The following SYT7 variants were observed in gnomAD, a reference collection of about 807,000 sequenced individuals.
SYT7 encodes synaptotagmin-7.
Under a neutral mutation model 75.1 loss-of-function variants are expected in SYT7, and 29 were observed. The observed-to-expected ratio is 0.39, with a 90% CI of 0.29 to 0.53. SYT7 has a LOEUF of 0.53. SYT7 is among the 20% of genes least tolerant of loss of function. The probability of loss-of-function intolerance (pLI) is 0.77; values close to 1 mark genes in which losing one functional copy is unlikely to be tolerated. For missense variants in SYT7, 693 were observed against 953.2 expected, an observed-to-expected ratio of 0.73 and a Z score of 3.59; for synonymous variants, 376 against 401.7, an observed-to-expected ratio of 0.94 and a Z score of 0.76.
intron 1 of SYT7, among the ~76,000 whole-genome samples, chr11:61,556,438 T>A (rs1483846638): frequency 6.6e-6 from 1 of 152,240 alleles, no homozygotes. Flanking sequence ...AGTTGGCATC[T>A]TTCTCTGTCT....
rs769608464 is a variant in SYT7, at chr11:61,546,105, G to A, written c.498C>T (p.Ser166=). The change falls in exon 5 of 13, where the codon AGC becomes AGT. Residue 166 remains serine, a synonymous_variant. Transcript: ENST00000539008. This position sits in a 1 kb window ranked among gnomAD's most constrained non-coding sequence, Gnocchi z 7.6. Reference sequence around the variant, plus strand: ...AGCGGCCTCTCCCCGCCTTGCCACCGCTGCCCGGCTCGCTGGGGGCAGCCC... The same window carrying A: ...AGCGGCCTCTCCCCGCCTTGCCACCACTGCCCGGCTCGCTGGGGGCAGCCC... ...SGGAAPSEPG[S]GGKAGRGRWR... The A allele has an allele frequency of 1.8e-5, 28 of 1,530,804 alleles. No individual in the cohort carries two copies. The highest frequency in any genetic ancestry group is 1.7e-4 in the Middle Eastern group (1 of 5,848). 94.8% of individuals were successfully genotyped at this position (1,530,804 alleles called of 1,614,324 possible).
chr11:61,553,406 G>A lies in SYT7; in HGVS notation c.136-1943C>T, dbSNP rs2135326704. On this transcript the variant is annotated intron_variant, in intron 2 of 12. Coordinates refer to ENST00000539008, the MANE Select transcript of SYT7 (RefSeq NM_001365809.2). The surrounding 1 kb of genome is among the most constrained non-coding windows in gnomAD (Gnocchi z 5.2). ...TCTTTCTGGCTTGGCAGGAGAGCTT[G>A]CCCTGGCCAGCACCCTCTCGTAAGG... 6.6e-6 allele frequency among the ~76,000 whole-genome samples: 1 copy of A among 152,306 alleles called. No individual in the cohort carries two copies. The highest frequency in any genetic ancestry group is 2.4e-5 in the African/African-American group (1 of 41,566).
upstream of SYT7, among the ~76,000 whole-genome samples, chr11:61,585,690 C>A (rs1187524115): frequency 6.6e-6 from 1 of 152,202 alleles, no homozygotes; most frequent in African/African-American, 2.4e-5. Flanking sequence ...ATTGCCTCCT[C>A]TCGCCAGACC....
At position 61,546,084 on chromosome 11, in the gene SYT7, G is replaced by A. The variant is rs1565187537; in HGVS notation, c.519C>T (p.Gly173=). ...GGTGGCTCTGCACCGTCCGCCAGCG[G>A]CCTCTCCCCGCCTTGCCACCGCTGC... ...EPGSGGKAGR[G]RWRTVQSHLA... is the part of the protein sequence containing the mutation. The change falls in exon 5 of 13, where the codon GGC becomes GGT. Residue 173 remains glycine, a synonymous_variant. Transcript: ENST00000539008. This position sits in a 1 kb window ranked among gnomAD's most constrained non-coding sequence, Gnocchi z 7.6. 2 of 1,531,584 alleles carry A rather than the reference G, an allele frequency of 1.3e-6. No homozygotes were observed. The highest frequency in any genetic ancestry group is 4.9e-5 in the East Asian group (2 of 40,482). The allele number at this position is 1,531,584 out of a possible 1,614,324, so 94.9% of individuals were successfully genotyped here. A position where few individuals can be genotyped will look rare whatever the true frequency, so the allele number is the denominator to read the frequency against.
intron 8 of SYT7, among the ~76,000 whole-genome samples, chr11:61,532,766 A>G (rs1379264325): frequency 1.3e-5 from 2 of 152,150 alleles, no homozygotes; most frequent in Non-Finnish European, 2.9e-5. Flanking sequence ...CATGGAGAAG[A>G]TATTTTGGTG....
chr11:61,546,437 G>C lies in SYT7; in HGVS notation c.348-182C>G. 1.7e-5 allele frequency: 9 copies of C among 524,742 alleles called. No individual in the cohort carries two copies. The highest frequency in any genetic ancestry group is 7.0e-5 in the Admixed American group (2 of 28,410). The allele number at this position is 524,742 out of a possible 1,614,324, so 32.5% of individuals were successfully genotyped here. On this transcript the variant is annotated intron_variant, in intron 4 of 12. Coordinates refer to ENST00000539008, the MANE Select transcript of SYT7 (RefSeq NM_001365809.2). The surrounding 1 kb of genome is among the most constrained non-coding windows in gnomAD (Gnocchi z 7.6). Reference sequence around the variant, plus strand: ...GACAGACGGACATGAGACAGACAGAGAGAGAGAGAGAGACATCAGCACTGC... The same window carrying C: ...GACAGACGGACATGAGACAGACAGACAGAGAGAGAGAGACATCAGCACTGC...
At chr11:61,566,750 TGTGCCTTGGCCTAA>T (rs1475455313) in intron 1 of SYT7, among the ~76,000 whole-genome samples, 1 of 152,238 alleles carries the variant, frequency 6.6e-6, no homozygotes, top group Non-Finnish European at 1.5e-5. Context: ...AATGCATTGT[TGTGCCTTGGCCTAA>T]ATCAGCATCT....
rs1590798694 is a variant in SYT7 at position 61,514,290 on chromosome 11, C to T, written c.*4337G>A. Among the ~76,000 whole-genome samples, 1 of 152,210 alleles carries T rather than the reference C, an allele frequency of 6.6e-6. No individual in the cohort carries two copies. The highest frequency in any genetic ancestry group is 1.9e-4 in the East Asian group (1 of 5,198). On this transcript the variant is annotated 3_prime_UTR_variant, in exon 13 of 13. Coordinates refer to ENST00000539008, the MANE Select transcript of SYT7 (RefSeq NM_001365809.2). ...AGCCCCTGAGGCTACTTACCTGACC[C>T]CGGGGCTTCCTCTGATCTCTGGAAC...
Position 61,547,311 on chromosome 11 carries a change from G to A in SYT7, c.216-3C>T. Reference sequence around the variant, plus strand: ...TCCAAAAGTCTCTGTCTAGATCACTGGAGGGGCAGAGAGAGAGGGGAGAAA... The same window carrying A: ...TCCAAAAGTCTCTGTCTAGATCACTAGAGGGGCAGAGAGAGAGGGGAGAAA... On this transcript the variant is annotated splice_polypyrimidine_tract_variant and splice_region_variant and intron_variant, in intron 3 of 12. Transcript: ENST00000539008. The A allele has an allele frequency of 2.0e-6, 3 of 1,535,564 alleles. No homozygotes were observed. The highest frequency in any genetic ancestry group is 2.6e-6 in the Non-Finnish European group (3 of 1,146,570).
chr11:61,566,240 T>G (rs960625617), intron 1 of SYT7, among the ~76,000 whole-genome samples: 1 of 152,244 alleles, frequency 6.6e-6, no homozygotes, highest in African/African-American at 2.4e-5. Context: ...TTGAATTTAA[T>G]GGAGGTGATG....
Position 61,558,533 on chromosome 11 carries a change from CACAT to C in SYT7, c.32-2330_32-2327del, listed in dbSNP as rs750893598. On this transcript the variant is annotated intron_variant, in intron 1 of 12. Transcript: ENST00000539008. ...ACACACACACACACACACACACACACACATATATATATAAATTATGAGGGTGTGT... is the reference window on the plus strand; with the variant it reads ...ACACACACACACACACACACACACACATATATATAAATTATGAGGGTGTGT... Among the ~76,000 whole-genome samples the C allele has an allele frequency of 5.2e-3, 774 of 148,654 alleles. 8 individuals carry two copies. The highest frequency in any genetic ancestry group is 0.019 in the African/African-American group (720 of 38,496).
intron 6 of SYT7, chr11:61,540,148 G>C (rs146662891): frequency 6.6e-6 from 1 of 152,160 alleles, no homozygotes; most frequent in Non-Finnish European, 1.5e-5. Context: ...TGCAGGACGC[G>C]AGGGTTAGGA....
At chr11:61,519,452 C>G (rs1026908592) in intron 12 of SYT7, among the ~76,000 whole-genome samples, 2 of 152,156 alleles carry the variant, frequency 1.3e-5, no homozygotes, top group Non-Finnish European at 2.9e-5. Context: ...ATGGGGCCTT[C>G]TATAGGACAC....
chr11:61,555,352 G>T (rs1273604016), intron 2 of SYT7, among the ~76,000 whole-genome samples: 1 of 152,224 alleles, frequency 6.6e-6, no homozygotes, highest in East Asian at 1.9e-4. Context: ...CTTCTGGGCC[G>T]GGCGGCAGGA....
chr11:61,522,992 G>C (rs1234719219), intron 12 of SYT7, 83 bp downstream of exon 12: 1 of 1,420,292 alleles, frequency 7.0e-7, no homozygotes, highest in Admixed American at 1.7e-5. Context: ...GCCTGTGCCC[G>C]TCCACTACCC....
chr11:61,514,390 A>C lies in SYT7; in HGVS notation c.*4237T>G, dbSNP rs911868858. On this transcript the variant is annotated 3_prime_UTR_variant, in exon 13 of 13. Coordinates refer to ENST00000539008, the MANE Select transcript of SYT7 (RefSeq NM_001365809.2). ...CAGCTTTGGATGGGGTACTTAGTGC[A>C]GCTCCGGGAGGCAGCTGCTGGCCCC... 1.3e-5 allele frequency among the ~76,000 whole-genome samples: 2 copies of C among 152,206 alleles called. No individual in the cohort carries two copies. The highest frequency in any genetic ancestry group is 2.9e-5 in the Non-Finnish European group (2 of 68,036).
At chr11:61,536,715 C>T (rs772264498) in intron 7 of SYT7, among the ~76,000 whole-genome samples, 5 of 152,220 alleles carry the variant, frequency 3.3e-5, no homozygotes, top group South Asian at 2.1e-4. Flanking sequence ...ACTGTGGACT[C>T]GGGATGGGAA....
upstream of SYT7, among the ~76,000 whole-genome samples, chr11:61,583,355 G>A (rs1307767066): frequency 6.6e-6 from 1 of 152,218 alleles, no homozygotes; most frequent in Non-Finnish European, 1.5e-5. Flanking sequence ...CAGAGAGGGA[G>A]AGCAGAATTC....
chr11:61,569,577 C>T lies in SYT7; in HGVS notation c.31+11213G>A, dbSNP rs139645571. Among the ~76,000 whole-genome samples, 298 of 152,128 alleles carry T rather than the reference C, an allele frequency of 2.0e-3. 2 individuals carry two copies. The highest frequency in any genetic ancestry group is 6.6e-3 in the African/African-American group (275 of 41,504). On this transcript the variant is annotated intron_variant, in intron 1 of 12. Coordinates refer to ENST00000539008, the MANE Select transcript of SYT7 (RefSeq NM_001365809.2). The stretch of plus-strand genomic sequence containing the variant: ...GGAAGAAAGGAGGAATCTCAGGAGC[C>T]AGAGAGACAGGAAGGGGTAGGAATC...
Sources: gnomAD v4.1 joint callset for allele counts (sites outside exome capture counted in the v4.1 genomes callset) on GRCh38, gnomAD v4.1.1 for gene constraint, Gnocchi (gnomAD v3.1) non-coding constraint, MANE v1.5 for transcripts, NCBI Gene and HGNC (gene_info 2026-07-23, HGNC 2026-07-21) for gene names.